The following SRPK2 variants were observed in gnomAD, a reference collection of about 807,000 sequenced individuals.
SRPK2 encodes SRSF protein kinase 2.
In SRPK2, 21 loss-of-function variants were observed where a neutral mutation model predicts 90.8. The observed-to-expected ratio is 0.23, with a 90% CI of 0.16 to 0.33. The LOEUF is 0.33. SRPK2 is among the 10% of genes least tolerant of loss of function. SRPK2 has a pLI of 1.00. For synonymous variants in SRPK2, 288 were observed against 311.1 expected (o/e 0.93, Z 0.78); for missense variants, 620 against 869.0 (o/e 0.71, Z 3.60).
At chr7:105,168,292 T>C (rs985175586) in intron 4 of SRPK2, among the ~76,000 whole-genome samples, 197 bp from the exon 5 acceptor site, 2 of 152,334 alleles carry the variant, frequency 1.3e-5, no homozygotes, top group South Asian at 2.1e-4. Flanking sequence ...AGTAAAAGAT[T>C]TGCATGTTGC....
At chr7:105,123,131 C>A (rs1302199049) in intron 15 of SRPK2, among the ~76,000 whole-genome samples, 1 of 152,136 alleles carries the variant, frequency 6.6e-6, no homozygotes. Context: ...CCTATCAACA[C>A]AGTAGTTTCT....
chr7:105,303,031 G>C (rs992178216), intron 2 of SRPK2, among the ~76,000 whole-genome samples: 1 of 151,920 alleles, frequency 6.6e-6, no homozygotes, highest in Non-Finnish European at 1.5e-5. Context: ...CCTAGTTTGC[G>C]CCGCTGCACT....
At chr7:105,245,072 C>CACACACACA in intron 2 of SRPK2, 3 of 596,348 alleles carry the variant, frequency 5.0e-6, no homozygotes, top group Non-Finnish European at 9.0e-6. Context: ...CACACACACA[C>CACACACACA]ACCTCTTTTT....
chr7:105,317,208 T>C (rs1390477022), intron 2 of SRPK2, among the ~76,000 whole-genome samples: 1 of 152,238 alleles, frequency 6.6e-6, no homozygotes, highest in African/African-American at 2.4e-5. Context: ...GAATGGTGGA[T>C]TAAGCTGCTG....
chr7:105,243,276 T>C (rs1393287094), intron 2 of SRPK2, among the ~76,000 whole-genome samples: 1 of 152,168 alleles, frequency 6.6e-6, no homozygotes, highest in East Asian at 1.9e-4. Context: ...AGTGCAGGGA[T>C]TACTTCCATG....
At chr7:105,286,783 T>C (rs1443697572) in intron 2 of SRPK2, among the ~76,000 whole-genome samples, 1 of 152,212 alleles carries the variant, frequency 6.6e-6, no homozygotes, top group African/African-American at 2.4e-5. Context: ...TTGATTTAAA[T>C]ATGAAGAATG....
intron 2 of SRPK2, among the ~76,000 whole-genome samples, chr7:105,320,106 G>A (rs1385702392): frequency 2.6e-5 from 4 of 152,048 alleles, no homozygotes; most frequent in Non-Finnish European, 5.9e-5. Flanking sequence ...CTCTTCAGGT[G>A]CATTGTCTAC....
intron 7 of SRPK2, among the ~76,000 whole-genome samples, chr7:105,152,419 G>T (rs558118037): frequency 7.0e-4 from 106 of 152,288 alleles, no homozygotes; most frequent in Non-Finnish European, 1.3e-3. Flanking sequence ...CAAAGTGCTA[G>T]GATTACAGGC....
At chr7:105,161,229 T>G (rs1449780978) in intron 6 of SRPK2, among the ~76,000 whole-genome samples, 4 of 152,146 alleles carry the variant, frequency 2.6e-5, no homozygotes, top group Non-Finnish European at 5.9e-5. Context: ...CCAGCCCATA[T>G]ACTTTATTTA....
chr7:105,223,947 G>A (rs1798407624), intron 2 of SRPK2, among the ~76,000 whole-genome samples: 3 of 152,166 alleles, frequency 2.0e-5, no homozygotes, highest in Non-Finnish European at 4.4e-5. Flanking sequence ...GTCTTAAGGA[G>A]CAGGCTATGC....
intron 2 of SRPK2, among the ~76,000 whole-genome samples, chr7:105,217,326 G>A (rs1000235362): frequency 6.6e-6 from 1 of 152,194 alleles, no homozygotes; most frequent in East Asian, 1.9e-4. Flanking sequence ...AAGATTTAAA[G>A]TTGAACATAA....
At chr7:105,210,592 A>T (rs1329748980) in intron 2 of SRPK2, among the ~76,000 whole-genome samples, 1 of 152,198 alleles carries the variant, frequency 6.6e-6, no homozygotes, top group South Asian at 2.1e-4. Context: ...CTAAATGTGC[A>T]ATGACCCTCA....
At chr7:105,243,267 G>A (rs1356535504) in intron 2 of SRPK2, among the ~76,000 whole-genome samples, 1 of 152,124 alleles carries the variant, frequency 6.6e-6, no homozygotes, top group Non-Finnish European at 1.5e-5. Flanking sequence ...GCCTCCCAAA[G>A]TGCAGGGATT....
intron 2 of SRPK2, among the ~76,000 whole-genome samples, chr7:105,213,642 T>A (rs746588062): frequency 6.6e-6 from 1 of 152,152 alleles, no homozygotes; most frequent in Non-Finnish European, 1.5e-5. Flanking sequence ...ACCTTTTACA[T>A]TAGGATAAGA....
intron 2 of SRPK2, among the ~76,000 whole-genome samples, chr7:105,295,498 T>C (rs1236242629): frequency 2.6e-5 from 4 of 152,174 alleles, no homozygotes; most frequent in Non-Finnish European, 5.9e-5. Context: ...TGCTACAAGA[T>C]GGATAAACCT....
chr7:105,379,311 G>T (rs989795451), intron 2 of SRPK2, among the ~76,000 whole-genome samples: 1 of 151,920 alleles, frequency 6.6e-6, no homozygotes, highest in African/African-American at 2.4e-5. Context: ...CATTGACATG[G>T]TATTTACATT....
chr7:105,181,868 C>T (rs1427801832), intron 3 of SRPK2, among the ~76,000 whole-genome samples: 1 of 143,654 alleles, frequency 7.0e-6, no homozygotes, highest in Non-Finnish European at 1.5e-5. Context: ...TACCCCTGAA[C>T]CTAAGATAAA....
chr7:105,254,068 C>A (rs1182621304), intron 2 of SRPK2, among the ~76,000 whole-genome samples: 2 of 152,184 alleles, frequency 1.3e-5, no homozygotes, highest in Non-Finnish European at 2.9e-5. Context: ...CACTTAACTG[C>A]TAACATCAAT....
intron 2 of SRPK2, among the ~76,000 whole-genome samples, chr7:105,251,106 A>G (rs532944818): frequency 2.6e-4 from 39 of 152,366 alleles, no homozygotes; most frequent in African/African-American, 8.9e-4. Flanking sequence ...GTACTTTGAA[A>G]TAAATACTTA....
Sources: allele counts gnomAD v4.1 joint callset (sites outside exome capture counted in the v4.1 genomes callset), GRCh38; gene constraint gnomAD v4.1.1; transcripts MANE v1.5; gene names NCBI Gene and HGNC (gene_info 2026-07-23, HGNC 2026-07-21).